Variants in RTL4 observed in about 807,000 individuals in gnomAD.
RTL4 encodes the protein retrotransposon Gag like 4.
A neutral mutation model predicts 5.3 loss-of-function variants in RTL4; 4 were observed. That is an observed-to-expected ratio of 0.75 (90% CI 0.37 to 1.72). The LOEUF is 1.72. Among genes scored for constraint, RTL4 ranks in the 40% most tolerant of loss-of-function variants. The pLI is 0.04. For synonymous variants in RTL4, 98 were observed against 87.3 expected (o/e 1.12, Z -0.68); for missense variants, 260 against 227.1 (o/e 1.14, Z -0.93).
the RTL4 span, among the ~76,000 whole-genome samples, chrX:112,243,931 T>G: frequency 1.8e-5 from 2 of 111,916 alleles, no homozygotes; most frequent in Admixed American, 9.5e-5. Flanking sequence ...ACATCTTTAT[T>G]TCTGCCTTAA....
chrX:112,250,489 C>T, the RTL4 span, among the ~76,000 whole-genome samples: 1 of 111,152 alleles, frequency 9.0e-6, no homozygotes, highest in African/African-American at 3.3e-5. Flanking sequence ...TGATGTAGAC[C>T]CAGTCTGTGT....
the RTL4 span, among the ~76,000 whole-genome samples, chrX:112,168,939 T>TTTTCTTTCTTTC: frequency 1.7e-4 from 16 of 91,875 alleles, no homozygotes; most frequent in African/African-American, 6.4e-4. Context: ...CTTTCTTTCT[T>TTTTCTTTCTTTC]TTTCTTTCTT....
the RTL4 span, among the ~76,000 whole-genome samples, chrX:112,225,130 C>T: frequency 8.9e-6 from 1 of 111,830 alleles, no homozygotes. Flanking sequence ...GGACAGAAAT[C>T]GAAACCCAGG....
chrX:112,329,773 A>C, the RTL4 span, among the ~76,000 whole-genome samples: 1 of 111,372 alleles, frequency 9.0e-6, no homozygotes, highest in East Asian at 2.8e-4. Flanking sequence ...AAATACTGGC[A>C]AACCGAATCC....
chrX:112,103,578 A>G, the RTL4 span, among the ~76,000 whole-genome samples: 8 of 110,131 alleles, frequency 7.3e-5, no homozygotes, highest in Non-Finnish European at 9.5e-5. Context: ...CTGGAACTGA[A>G]CGAAAAAAAA....
At chrX:112,259,487 A>C in the RTL4 span, among the ~76,000 whole-genome samples, 1 of 110,553 alleles carries the variant, frequency 9.0e-6, no homozygotes, top group African/African-American at 3.3e-5. Flanking sequence ...AAATACAATT[A>C]GGTTGGGTGA....
At chrX:112,102,609 C>T in the RTL4 span, among the ~76,000 whole-genome samples, 3 of 111,108 alleles carry the variant, frequency 2.7e-5, no homozygotes, top group Non-Finnish European at 3.8e-5. Flanking sequence ...CTGGGAAAAT[C>T]ATATCCAACA....
At chrX:112,374,264 T>C in the RTL4 span, among the ~76,000 whole-genome samples, 2 of 111,377 alleles carry the variant, frequency 1.8e-5, no homozygotes, top group Non-Finnish European at 3.8e-5. Flanking sequence ...CACCATTTAT[T>C]GAAAATAACT....
At chrX:112,290,221 A>G in the RTL4 span, among the ~76,000 whole-genome samples, 925 of 112,098 alleles carry the variant, frequency 8.3e-3, 8 homozygotes, top group African/African-American at 0.028. Context: ...TGGAATGACT[A>G]ACTAGAAGAT....
the RTL4 span, among the ~76,000 whole-genome samples, chrX:112,291,308 T>C: frequency 7.9e-4 from 86 of 109,328 alleles, no homozygotes; most frequent in Non-Finnish European, 1.4e-3. Context: ...TCTCTTATAA[T>C]ATGCATTTTG....
the RTL4 span, among the ~76,000 whole-genome samples, chrX:112,226,918 C>T: frequency 1.0e-4 from 9 of 85,804 alleles, no homozygotes; most frequent in African/African-American, 5.4e-4. Context: ...AGCAAGGCTC[C>T]GTCTCAAAAA....
At chrX:112,422,871 C>A in the RTL4 span, among the ~76,000 whole-genome samples, 6 of 110,823 alleles carry the variant, frequency 5.4e-5, no homozygotes, top group African/African-American at 2.0e-4. Flanking sequence ...CCTCCCTGAG[C>A]CTCAGCTTTC....
the RTL4 span, among the ~76,000 whole-genome samples, chrX:112,426,612 A>C: frequency 9.0e-6 from 1 of 111,397 alleles, no homozygotes; most frequent in East Asian, 2.8e-4. Context: ...ATTTATACCT[A>C]AGTATTTTAT....
the RTL4 span, among the ~76,000 whole-genome samples, chrX:112,248,051 A>G: frequency 8.9e-6 from 1 of 112,510 alleles, no homozygotes; most frequent in Non-Finnish European, 1.9e-5. Flanking sequence ...GAGTTTTTAG[A>G]CAAAAGAAAT....
the RTL4 span, among the ~76,000 whole-genome samples, chrX:112,336,287 A>G: frequency 3.8e-4 from 43 of 111,798 alleles, no homozygotes; most frequent in Non-Finnish European, 7.1e-4. Context: ...TTTGTTTACA[A>G]GAGCTGTCTT....
the RTL4 span, among the ~76,000 whole-genome samples, chrX:112,374,176 A>T: frequency 0.011 from 1,256 of 111,423 alleles, 21 homozygotes; most frequent in African/African-American, 0.039. Flanking sequence ...ATCAAAATAT[A>T]TCTAGAAGTG....
chrX:112,371,598 A>G, the RTL4 span, among the ~76,000 whole-genome samples: 1 of 111,882 alleles, frequency 8.9e-6, no homozygotes, highest in Non-Finnish European at 1.9e-5. Flanking sequence ...CTAATGTGTA[A>G]TGACTTGAAC....
At chrX:112,414,975 A>G in the RTL4 span, among the ~76,000 whole-genome samples, 1 of 111,882 alleles carries the variant, frequency 8.9e-6, no homozygotes, top group Non-Finnish European at 1.9e-5. Flanking sequence ...GCTATTATAT[A>G]CATCATTATG....
chrX:112,188,262 A>G, the RTL4 span, among the ~76,000 whole-genome samples: 1 of 111,285 alleles, frequency 9.0e-6, no homozygotes, highest in Admixed American at 9.6e-5. Flanking sequence ...ATAAAAGACC[A>G]TCTCCATTAT....
Sources: gnomAD v4.1 joint callset for allele counts (sites outside exome capture counted in the v4.1 genomes callset) on GRCh38, gnomAD v4.1.1 for gene constraint, MANE v1.5 for transcripts, NCBI Gene and HGNC (gene_info 2026-07-23, HGNC 2026-07-21) for gene names.